EPB41L5: variants seen among roughly 807,000 people sequenced by gnomAD.
EPB41L5 encodes the protein erythrocyte membrane protein band 4.1 like 5.
Under a neutral mutation model 106.6 loss-of-function variants are expected in EPB41L5, and 55 were observed. The observed-to-expected ratio is 0.52, with a 90% confidence interval of 0.42 to 0.65. The LOEUF (loss-of-function observed/expected upper bound fraction) is 0.65. Ranked by LOEUF, EPB41L5 falls within the 30% of genes least tolerant of loss-of-function variation. EPB41L5 has a pLI of 0.00. For missense variants in EPB41L5, 871 were observed against 882.1 expected (o/e 0.99, Z 0.16); for synonymous variants, 297 against 306.7 (o/e 0.97, Z 0.33).
chr2:120,171,201 C>T (rs1308372582), intron 24 of EPB41L5, among the ~76,000 whole-genome samples: 1 of 152,070 alleles, frequency 6.6e-6, no homozygotes, highest in Non-Finnish European at 1.5e-5. Context: ...ACCAGTTTAG[C>T]AGAGTGGAGT....
chr2:120,087,308 A>G (rs1012995273), intron 11 of EPB41L5, 68 bp downstream of exon 11: 27 of 942,070 alleles, frequency 2.9e-5, no homozygotes, highest in African/African-American at 8.3e-5. Context: ...TTATTTCTCT[A>G]AAAGAGGGAA....
At chr2:120,044,652 G>A (rs2105219803) in intron 3 of EPB41L5, among the ~76,000 whole-genome samples, 1 of 152,208 alleles carries the variant, frequency 6.6e-6, no homozygotes, top group South Asian at 2.1e-4. Flanking sequence ...TTAGCCCTTT[G>A]CTAATATTAG....
intron 2 of EPB41L5, among the ~76,000 whole-genome samples, chr2:120,034,497 G>A (rs1158046025): frequency 1.3e-5 from 2 of 152,150 alleles, no homozygotes; most frequent in African/African-American, 4.8e-5. Context: ...CTGCTGTAGT[G>A]TAGAAATATT....
intron 2 of EPB41L5, among the ~76,000 whole-genome samples, chr2:120,025,335 GTGATATCCTCT>G (rs1678230980): frequency 6.6e-6 from 1 of 152,080 alleles, no homozygotes; most frequent in African/African-American, 2.4e-5. Flanking sequence ...GGGATCAGTG[GTGATATCCTCT>G]TTATTATTTT....
At chr2:120,102,857 G>A (rs1358406813) in intron 16 of EPB41L5, among the ~76,000 whole-genome samples, 1 of 152,114 alleles carries the variant, frequency 6.6e-6, no homozygotes, top group Non-Finnish European at 1.5e-5. Context: ...TAAATCATTT[G>A]TAAGCAACAA....
chr2:120,031,239 C>T (rs1049663211), intron 2 of EPB41L5, among the ~76,000 whole-genome samples: 1 of 152,216 alleles, frequency 6.6e-6, no homozygotes, highest in Non-Finnish European at 1.5e-5. Context: ...AATAAAACTC[C>T]AGTCTCCCAC....
intron 2 of EPB41L5, among the ~76,000 whole-genome samples, chr2:120,024,564 C>G (rs1678178456): frequency 6.6e-6 from 1 of 152,248 alleles, no homozygotes; most frequent in East Asian, 1.9e-4. Context: ...TCATGCCATT[C>G]TGCTGCCTCA....
At chr2:120,120,680 A>G (rs1685177594) in intron 16 of EPB41L5, among the ~76,000 whole-genome samples, 2 of 152,178 alleles carry the variant, frequency 1.3e-5, no homozygotes, top group Non-Finnish European at 2.9e-5. Context: ...AGCTCAAAAA[A>G]ACCCATAAAG....
rs192393365 is a variant in EPB41L5 at position 120,152,922 on chromosome 2, T to C, written c.1793+6633T>C. ...ATTTTCTTCAAATCCTTTTTATTTG[T>C]TTTTTACTGAGAGGTTTCACCCTTT... On this transcript the variant is annotated intron_variant, in intron 20 of 24. Transcript: ENST00000263713. Among the ~76,000 whole-genome samples, 108 of 152,346 alleles carry C rather than the reference T, an allele frequency of 7.1e-4. No individual in the cohort carries two copies. In the Middle Eastern group the frequency reaches 0.02, roughly 29 times the overall value.
chr2:120,142,726 A>C (rs1293506139), intron 18 of EPB41L5, among the ~76,000 whole-genome samples: 1 of 152,192 alleles, frequency 6.6e-6, no homozygotes, highest in Non-Finnish European at 1.5e-5. Flanking sequence ...GAATTCCAGC[A>C]AACTGTGTTT....
At chr2:120,117,200 G>A (rs546303074) in intron 16 of EPB41L5, among the ~76,000 whole-genome samples, 1 of 152,150 alleles carries the variant, frequency 6.6e-6, no homozygotes, top group African/African-American at 2.4e-5. Context: ...AGTTGCCAGG[G>A]TTCATTGCCT....
chr2:120,121,254 G>A, intron 16 of EPB41L5, among the ~76,000 whole-genome samples: 1 of 152,136 alleles, frequency 6.6e-6, no homozygotes, highest in Non-Finnish European at 1.5e-5. Context: ...TGCACAACAT[G>A]CATGTTTGAT....
At chr2:120,110,364 C>A (rs1297854303) in intron 16 of EPB41L5, among the ~76,000 whole-genome samples, 1 of 152,172 alleles carries the variant, frequency 6.6e-6, no homozygotes, top group African/African-American at 2.4e-5. Context: ...AAGGAACTTT[C>A]CCGTAACAAT....
chr2:120,112,957 C>T (rs1684787006), intron 16 of EPB41L5, among the ~76,000 whole-genome samples: 1 of 152,188 alleles, frequency 6.6e-6, no homozygotes, highest in African/African-American at 2.4e-5. Flanking sequence ...GGCTACTGTA[C>T]TGCCTCCATA....
At chr2:120,119,200 A>C (rs1370545535) in intron 16 of EPB41L5, among the ~76,000 whole-genome samples, 2 of 151,802 alleles carry the variant, frequency 1.3e-5, no homozygotes, top group Non-Finnish European at 2.9e-5. Context: ...AAATTTGTTT[A>C]AGTTCCTTGT....
At chr2:120,056,394 G>T (rs1209520657) in intron 3 of EPB41L5, among the ~76,000 whole-genome samples, 1 of 151,802 alleles carries the variant, frequency 6.6e-6, no homozygotes, top group Non-Finnish European at 1.5e-5. Flanking sequence ...CTGCCTCCTG[G>T]TTCAAGCGAT....
In EPB41L5 at chr2:120,130,946, C is replaced by G. The variant is rs75166683; in HGVS notation, c.1502-672C>G. On this transcript the variant is annotated intron_variant, in intron 17 of 24. Transcript: ENST00000263713. ...TTGACAGTGTAAAATTTTATGCACA[C>G]ATCAAATTAATCTCTGCAAAATAAG... Among the ~76,000 whole-genome samples, 50 of 152,270 alleles carry G rather than the reference C, an allele frequency of 3.3e-4. No homozygotes were observed. In the East Asian group the frequency reaches 8.9e-3, roughly 27 times the overall value.
intron 17 of EPB41L5, 110 bp downstream of exon 17, chr2:120,127,961 A>G: frequency 9.8e-7 from 1 of 1,017,184 alleles, no homozygotes; most frequent in East Asian, 2.7e-5. Context: ...CAACTTTTAA[A>G]TTTAATTCAG....
At chr2:120,030,629 C>T (rs1170692020) in intron 2 of EPB41L5, among the ~76,000 whole-genome samples, 2 of 152,220 alleles carry the variant, frequency 1.3e-5, no homozygotes, top group Non-Finnish European at 2.9e-5. Context: ...TCTTGGCTCA[C>T]TACAACTCCC....
Sources: allele counts gnomAD v4.1 joint callset (sites outside exome capture counted in the v4.1 genomes callset), GRCh38; gene constraint gnomAD v4.1.1; transcripts MANE v1.5; gene names NCBI Gene and HGNC (gene_info 2026-07-23, HGNC 2026-07-21).